The following NUP133 variants were observed in gnomAD, a reference collection of about 807,000 sequenced individuals.
The protein encoded by NUP133 is nuclear pore complex protein Nup133.
NUP133 carries 66 observed loss-of-function variants against 146.2 expected under a neutral mutation model. The ratio of observed to expected loss-of-function variants is 0.45; its 90% CI spans 0.37 to 0.55. NUP133 has a LOEUF of 0.55. Among genes scored for constraint, NUP133 ranks in the 20% least tolerant of loss-of-function variants. The pLI is 0.00. For missense variants in NUP133, 1,277 were observed against 1,374.8 expected (o/e 0.93, Z 1.12); for synonymous variants, 521 against 498.8 (o/e 1.04, Z -0.59).
In NUP133 at chr1:229,441,528, C is replaced by T. The variant is rs988897157; in HGVS notation, c.*376G>A. 4.0e-6 allele frequency: 2 copies of T among 502,138 alleles called. No homozygotes were observed. The highest frequency in any genetic ancestry group is 8.2e-6 in the Non-Finnish European group (2 of 244,836). 31.1% of individuals were successfully genotyped at this position (502,138 alleles called of 1,614,324 possible). A position where few individuals can be genotyped will look rare whatever the true frequency, so the allele number is the denominator to read the frequency against. On this transcript the variant is annotated 3_prime_UTR_variant, in exon 26 of 26. Coordinates refer to ENST00000261396, the MANE Select transcript of NUP133 (RefSeq NM_018230.3). Reference sequence around the variant, plus strand: ...CAGTGCAAAGTATCTGGAGTCACAGCAATTTTAGAGACAAGCTAGTGCAAT... The same window carrying T: ...CAGTGCAAAGTATCTGGAGTCACAGTAATTTTAGAGACAAGCTAGTGCAAT...
chr1:229,477,301 A>G (rs11801123), intron 13 of NUP133, among the ~76,000 whole-genome samples: 8,810 of 151,916 alleles, frequency 0.058, 768 homozygotes, highest in African/African-American at 0.19. Context: ...TTAGCCAGCC[A>G]TGGTGGCGGG....
rs1558088585 is a variant in NUP133 at position 229,449,875 on chromosome 1, T to TATATATATATATATATA, written c.3180+649_3180+650insTATATATATATATATAT. On this transcript the variant is annotated intron_variant, in intron 23 of 25. Coordinates refer to ENST00000261396, the MANE Select transcript of NUP133 (RefSeq NM_018230.3). Reference sequence around the variant, plus strand: ...TTTATATATATATATATATATATATTTTTTTTTTTTTTTTTTTTTTTTTTG... The same window carrying TATATATATATATATATA: ...TTTATATATATATATATATATATATTATATATATATATATATATTTTTTTTTTTTTTTTTTTTTTTTG... Among the ~76,000 whole-genome samples the TATATATATATATATATA allele has an allele frequency of 1.4e-3, 89 of 64,006 alleles. 2 individuals are homozygous for TATATATATATATATATA. The highest frequency in any genetic ancestry group is 2.3e-3 in the African/African-American group (38 of 16,672). The allele number at this position is 64,006 out of a possible 152,430, so 42.0% of individuals were successfully genotyped here.
At position 229,459,777 on chromosome 1, in the gene NUP133, G is replaced by A. The variant is rs12401492; in HGVS notation, c.2844+834C>T. ...ATTTACACTGATTGATGGACACTTAGGTGGATTCCATAACTTGGCTACTGT... is the reference window on the plus strand; with the variant it reads ...ATTTACACTGATTGATGGACACTTAAGTGGATTCCATAACTTGGCTACTGT... On this transcript the variant is annotated intron_variant, in intron 20 of 25. Transcript: ENST00000261396. Among the ~76,000 whole-genome samples, 60 of 152,264 alleles carry A rather than the reference G, an allele frequency of 3.9e-4. No individual in the cohort carries two copies. The Middle Eastern group carries it at 0.014, about 35-fold the overall frequency.
At chr1:229,501,212 A>G (rs577526802) in intron 3 of NUP133, among the ~76,000 whole-genome samples, 1 of 152,170 alleles carries the variant, frequency 6.6e-6, no homozygotes, top group Non-Finnish European at 1.5e-5. Context: ...TGATTTGTTC[A>G]TCTGACATTT....
At chr1:229,458,773 T>C (rs1660625979) in intron 20 of NUP133, among the ~76,000 whole-genome samples, 1 of 150,210 alleles carries the variant, frequency 6.7e-6, no homozygotes. Flanking sequence ...TGCAATGATA[T>C]AGTCTCAGCT....
chr1:229,483,578 G>A (rs1217800422), intron 12 of NUP133, among the ~76,000 whole-genome samples: 3 of 151,656 alleles, frequency 2.0e-5, no homozygotes, highest in Non-Finnish European at 4.4e-5. Context: ...AGTGGTACAC[G>A]CCTGCAGTCC....
chr1:229,444,858 C>CA (rs2102744345), intron 25 of NUP133, 56 bp downstream of exon 25: 1 of 1,294,720 alleles, frequency 7.7e-7, no homozygotes, highest in South Asian at 1.3e-5. Flanking sequence ...AAAAAAAACC[C>CA]AAAAAACTGA....
chr1:229,441,153 C>A lies in NUP133; in HGVS notation c.*751G>T. 1 of 319,422 alleles carries A rather than the reference C, an allele frequency of 3.1e-6. No homozygotes were observed. The highest frequency in any genetic ancestry group is 6.2e-6 in the Non-Finnish European group (1 of 161,750). The allele number at this position is 319,422 out of a possible 1,614,324, so 19.8% of individuals were successfully genotyped here. ...TAGTATCATTCATGCTTTTGACTAG[C>A]TAGGCAGACTGTGGTAAAGATTCAT... On this transcript the variant is annotated 3_prime_UTR_variant, in exon 26 of 26. Transcript: ENST00000261396.
intron 12 of NUP133, among the ~76,000 whole-genome samples, chr1:229,481,348 A>G (rs1433998355): frequency 2.0e-5 from 3 of 152,192 alleles, no homozygotes; most frequent in African/African-American, 4.8e-5. Flanking sequence ...ATTTGGAAAT[A>G]AGGTTTTTGC....
intron 19 of NUP133, among the ~76,000 whole-genome samples, chr1:229,461,089 C>T (rs901086287): frequency 1.3e-5 from 2 of 152,110 alleles, no homozygotes; most frequent in African/African-American, 2.4e-5. Flanking sequence ...AATTCAGTTC[C>T]TTAGGTACAT....
At chr1:229,472,936 G>C (rs1472591309) in intron 14 of NUP133, among the ~76,000 whole-genome samples, 2 of 151,772 alleles carry the variant, frequency 1.3e-5, no homozygotes, top group East Asian at 3.9e-4. Context: ...AAGGAGAAAA[G>C]GAATATTTCT....
At chr1:229,444,470 CTTAA>C (rs1026479381) in intron 25 of NUP133, among the ~76,000 whole-genome samples, 4 of 152,082 alleles carry the variant, frequency 2.6e-5, no homozygotes, top group South Asian at 4.1e-4. Flanking sequence ...GTGCTAGATA[CTTAA>C]TTAGACACAA....
chr1:229,490,461 C>A (rs1007603727), intron 8 of NUP133, among the ~76,000 whole-genome samples: 2 of 150,580 alleles, frequency 1.3e-5, no homozygotes, highest in Non-Finnish European at 2.9e-5. Context: ...GTGACAGAAA[C>A]CAGACTCAAA....
At position 229,506,170 on chromosome 1, in the gene NUP133, A is replaced by T; in HGVS notation, c.183-12T>A. ...GTGTTGGTGTTCCCCTAAAGAAAAGAGTCTATATTACCTTACTTGTAACTT... is the reference window on the plus strand; with the variant it reads ...GTGTTGGTGTTCCCCTAAAGAAAAGTGTCTATATTACCTTACTTGTAACTT... On this transcript the variant is annotated splice_polypyrimidine_tract_variant and intron_variant, in intron 1 of 25. Transcript: ENST00000261396. 1 of 1,466,294 alleles carries T rather than the reference A, an allele frequency of 6.8e-7. No homozygotes were observed. The highest frequency in any genetic ancestry group is 9.5e-7 in the Non-Finnish European group (1 of 1,049,980). The allele number at this position is 1,466,294 out of a possible 1,614,324, so 90.8% of individuals were successfully genotyped here.
chr1:229,508,221 G>T lies in NUP133; in HGVS notation c.29C>A (p.Thr10Asn). 1.3e-6 allele frequency: 2 copies of T among 1,547,150 alleles called. No homozygotes were observed. The highest frequency in any genetic ancestry group is 4.9e-5 in the East Asian group (2 of 40,810). Reference sequence around the variant, plus strand: ...GCCCCTTCGGGACCCGGTACCCGGGGTCCGCGGAGAAGGGGCGGCTGGGAA... The same window carrying T: ...GCCCCTTCGGGACCCGGTACCCGGGTTCCGCGGAGAAGGGGCGGCTGGGAA... MFPAAPSPRTPGTGSRRGPL... is the reference protein window; with the variant it reads MFPAAPSPRNPGTGSRRGPL... Residue 10 changes from threonine (T) to asparagine (N), a missense_variant, in exon 1 of 26, where the codon ACC becomes AAC. Around this residue, in one of 3 missense-constraint regions of NUP133, gnomAD observed 319 missense variants for 306.9 expected, o/e 1.04. Coordinates refer to ENST00000261396, the MANE Select transcript of NUP133 (RefSeq NM_018230.3).
intron 25 of NUP133, among the ~76,000 whole-genome samples, 175 bp downstream of exon 25, chr1:229,444,739 C>T (rs996227033): frequency 6.6e-6 from 1 of 151,928 alleles, no homozygotes; most frequent in Non-Finnish European, 1.5e-5. Context: ...TCCAGCTACT[C>T]CAGGGGCTGA....
At chr1:229,504,512 T>A (rs893280547) in intron 2 of NUP133, among the ~76,000 whole-genome samples, 3 of 152,222 alleles carry the variant, frequency 2.0e-5, no homozygotes, top group Admixed American at 1.3e-4. Context: ...TCCACACTAA[T>A]TCTCCACCAA....
intron 14 of NUP133, among the ~76,000 whole-genome samples, chr1:229,471,955 T>C (rs1450501731): frequency 1.3e-5 from 2 of 152,202 alleles, no homozygotes; most frequent in African/African-American, 4.8e-5. Flanking sequence ...CTGTTCACCT[T>C]ATTATTTTAA....
intron 2 of NUP133, among the ~76,000 whole-genome samples, chr1:229,505,378 A>T (rs1388155488): frequency 1.3e-5 from 2 of 152,212 alleles, no homozygotes; most frequent in Admixed American, 6.5e-5. Flanking sequence ...TGTATTAAAA[A>T]AACACAGTAT....
Sources: gnomAD v4.1 joint callset for allele counts (sites outside exome capture counted in the v4.1 genomes callset) on GRCh38, gnomAD v4.1.1 for gene constraint, gnomAD v4.1.1 regional missense constraint, MANE v1.5 for transcripts, NCBI Gene and HGNC (gene_info 2026-07-23, HGNC 2026-07-21) for gene names.